Variants in ADAMTSL1 observed in about 807,000 individuals in gnomAD.
ADAMTSL1 encodes ADAMTS like 1, also known as ADAMTS-like protein 1.
A neutral mutation model predicts 201.8 loss-of-function variants in ADAMTSL1; 126 were observed. The ratio of observed to expected loss-of-function variants is 0.62; its 90% CI spans 0.54 to 0.72. ADAMTSL1 has a LOEUF of 0.72. Among genes scored for constraint, ADAMTSL1 ranks in the 30% least tolerant of loss-of-function variants. The pLI is 0.00. For missense variants in ADAMTSL1, 2,679 were observed against 2,277.8 expected (o/e 1.18, Z -3.59); for synonymous variants, 1,121 against 903.4 (o/e 1.24, Z -4.32).
chr9:18,520,613 G>T lies in ADAMTSL1; in HGVS notation c.192-12634G>T, dbSNP rs527698045. On this transcript the variant is annotated intron_variant, in intron 2 of 28. Transcript: ENST00000380548. ...GGCTGACTTTTCTTTTGGCTCCCTA[G>T]GGCCTTGTTAGTGCCTCTGGCACAC... Among the ~76,000 whole-genome samples, 4 of 152,296 alleles carry T rather than the reference G, an allele frequency of 2.6e-5. No individual in the cohort carries two copies. The South Asian group carries it at 8.3e-4, about 32-fold the overall frequency.
intron 15 of ADAMTSL1, among the ~76,000 whole-genome samples, chr9:18,739,317 G>C (rs1818689870): frequency 6.6e-6 from 1 of 152,140 alleles, no homozygotes; most frequent in Non-Finnish European, 1.5e-5. Context: ...CAAAGTTCTG[G>C]GGCAGTCTGG....
At chr9:18,612,434 A>T (rs1385510798) in intron 4 of ADAMTSL1, among the ~76,000 whole-genome samples, 1 of 152,152 alleles carries the variant, frequency 6.6e-6, no homozygotes, top group Non-Finnish European at 1.5e-5. Context: ...GAATCCATTC[A>T]TTCATTGAAC....
chr9:18,206,943 T>C (rs1243456342), intron 2 of ADAMTSL1, among the ~76,000 whole-genome samples: 1 of 151,944 alleles, frequency 6.6e-6, no homozygotes, highest in Admixed American at 6.6e-5. Flanking sequence ...GGTGGGTGAA[T>C]CACCTGAGGT....
intron 20 of ADAMTSL1, among the ~76,000 whole-genome samples, chr9:18,810,912 C>T (rs188258041): frequency 6.8e-6 from 1 of 147,642 alleles, no homozygotes; most frequent in African/African-American, 2.5e-5. Context: ...GACCAAAGAC[C>T]TTGGAAATCA....
intron 3 of ADAMTSL1, among the ~76,000 whole-genome samples, chr9:18,566,873 G>A (rs1253862267): frequency 2.0e-5 from 3 of 152,172 alleles, no homozygotes; most frequent in African/African-American, 7.2e-5. Context: ...GGCATGACAT[G>A]ATGGCTCCTT....
At chr9:18,730,364 C>G (rs1227509390) in intron 15 of ADAMTSL1, among the ~76,000 whole-genome samples, 2 of 152,244 alleles carry the variant, frequency 1.3e-5, no homozygotes, top group Non-Finnish European at 2.9e-5. Flanking sequence ...AAAGAGAATG[C>G]TCTGATTTGT....
At chr9:18,326,854 A>G (rs1169096241) in intron 2 of ADAMTSL1, among the ~76,000 whole-genome samples, 1 of 152,264 alleles carries the variant, frequency 6.6e-6, no homozygotes, top group Non-Finnish European at 1.5e-5. Flanking sequence ...ATATAAGGCT[A>G]CTTGCCATTA....
chr9:18,395,838 AG>A (rs1817732438), intron 2 of ADAMTSL1, among the ~76,000 whole-genome samples: 1 of 152,194 alleles, frequency 6.6e-6, no homozygotes, highest in Admixed American at 6.6e-5. Context: ...ACCATCCTAG[AG>A]GCTGAACTAA....
intron 1 of ADAMTSL1, among the ~76,000 whole-genome samples, chr9:18,140,236 G>A (rs1466878830): frequency 6.6e-6 from 1 of 152,124 alleles, no homozygotes; most frequent in Non-Finnish European, 1.5e-5. Context: ...TTTCTAAGAT[G>A]TTAGAAAAGG....
chr9:18,807,854 C>G (rs945670102), intron 20 of ADAMTSL1, among the ~76,000 whole-genome samples: 4 of 152,036 alleles, frequency 2.6e-5, no homozygotes, highest in Non-Finnish European at 5.9e-5. Context: ...TTCTCTGCAT[C>G]TATGTTTTTT....
upstream of ADAMTSL1, among the ~76,000 whole-genome samples, chr9:18,471,585 C>T (rs547940888): frequency 1.3e-5 from 2 of 152,274 alleles, no homozygotes; most frequent in Admixed American, 1.3e-4. Flanking sequence ...ATTTTGTTCT[C>T]CCTTTTCTGA....
chr9:18,743,826 C>A (rs1818981475), intron 15 of ADAMTSL1, among the ~76,000 whole-genome samples: 1 of 152,186 alleles, frequency 6.6e-6, no homozygotes, highest in Non-Finnish European at 1.5e-5. Flanking sequence ...TTCTAGGCCT[C>A]TTTTAAGGGT....
chr9:18,729,562 C>G (rs1172043212), intron 15 of ADAMTSL1, among the ~76,000 whole-genome samples: 1 of 152,178 alleles, frequency 6.6e-6, no homozygotes, highest in African/African-American at 2.4e-5. Flanking sequence ...ATACAAATAT[C>G]CTGCATCCGT....
chr9:17,946,338 G>T (rs1345567131), intron 1 of ADAMTSL1, among the ~76,000 whole-genome samples: 2 of 151,660 alleles, frequency 1.3e-5, no homozygotes. Flanking sequence ...TTCGTCAATT[G>T]GTACTCAGGT....
intron 9 of ADAMTSL1, 125 bp downstream of exon 9, chr9:18,662,198 C>T (rs1419017065): frequency 2.4e-6 from 3 of 1,272,472 alleles, no homozygotes; most frequent in Non-Finnish European, 3.2e-6. Flanking sequence ...TGTTGCTGTC[C>T]AGTGTTCATT....
At chr9:18,431,143 T>C (rs1333830343) in intron 2 of ADAMTSL1, among the ~76,000 whole-genome samples, 1 of 152,170 alleles carries the variant, frequency 6.6e-6, no homozygotes, top group East Asian at 1.9e-4. Context: ...GGTCACCTAC[T>C]GGACAATATC....
intron 1 of ADAMTSL1, among the ~76,000 whole-genome samples, chr9:17,970,760 T>C (rs1818174875): frequency 6.6e-6 from 1 of 152,044 alleles, no homozygotes; most frequent in Non-Finnish European, 1.5e-5. Context: ...ATTGACACTG[T>C]GTGCTTACTC....
At chr9:18,857,659 G>C (rs540205779) in intron 23 of ADAMTSL1, among the ~76,000 whole-genome samples, 23 of 152,192 alleles carry the variant, frequency 1.5e-4, no homozygotes, top group Non-Finnish European at 3.2e-4. Flanking sequence ...CAGAAGTTAA[G>C]TTCCAAAGTT....
At chr9:18,313,160 T>A (rs1162140371) in intron 2 of ADAMTSL1, among the ~76,000 whole-genome samples, 2 of 152,200 alleles carry the variant, frequency 1.3e-5, no homozygotes, top group Admixed American at 1.3e-4. Flanking sequence ...AGGTATGGGG[T>A]AAGGCCCAAT....
Sources: allele counts gnomAD v4.1 joint callset (sites outside exome capture counted in the v4.1 genomes callset), GRCh38; gene constraint gnomAD v4.1.1; transcripts MANE v1.5; gene names NCBI Gene and HGNC (gene_info 2026-07-23, HGNC 2026-07-21).